NTNG1: variants seen among roughly 807,000 people sequenced by gnomAD.
NTNG1 encodes netrin G1.
A neutral mutation model predicts 54.0 loss-of-function variants in NTNG1; 16 were observed. The observed-to-expected ratio is 0.30, with a 90% CI of 0.20 to 0.45. The LOEUF is 0.45. NTNG1 is among the 20% of genes least tolerant of loss of function. The pLI, the probability that NTNG1 is intolerant of heterozygous loss-of-function variation, is 1.00. For synonymous variants in NTNG1, 255 were observed against 263.1 expected (o/e 0.97, Z 0.30); for missense variants, 530 against 678.7 (o/e 0.78, Z 2.43).
intron 2 of NTNG1, among the ~76,000 whole-genome samples, chr1:107,190,612 T>G (rs1339446685): frequency 6.6e-6 from 1 of 152,124 alleles, no homozygotes; most frequent in African/African-American, 2.4e-5. Flanking sequence ...GTGTGTGATG[T>G]TCCCCTTCCT....
intron 3 of NTNG1, among the ~76,000 whole-genome samples, chr1:107,386,404 C>T (rs982219975): frequency 2.6e-5 from 4 of 151,862 alleles, no homozygotes; most frequent in Non-Finnish European, 4.4e-5. Flanking sequence ...GAACTCCTGA[C>T]CTCAAGTGAT....
chr1:107,321,016 G>A (rs11185087), intron 2 of NTNG1, among the ~76,000 whole-genome samples: 125,488 of 152,052 alleles, frequency 0.83, 53,125 homozygotes, highest in East Asian at 0.92. Context: ...GATCATCTCC[G>A]GTGTAAATTG....
chr1:107,376,932 G>A (rs955054945), intron 3 of NTNG1, among the ~76,000 whole-genome samples: 4 of 152,108 alleles, frequency 2.6e-5, no homozygotes, highest in Non-Finnish European at 5.9e-5. Context: ...CACTGCCTCT[G>A]CCTACTTATT....
At chr1:107,451,778 A>G (rs1449366822) in intron 7 of NTNG1, among the ~76,000 whole-genome samples, 1 of 152,174 alleles carries the variant, frequency 6.6e-6, no homozygotes, top group Non-Finnish European at 1.5e-5. Context: ...ATCCTGCAAC[A>G]TCATAGGTAC....
At chr1:107,427,021 A>G (rs1310098602) in intron 5 of NTNG1, among the ~76,000 whole-genome samples, 1 of 152,078 alleles carries the variant, frequency 6.6e-6, no homozygotes, top group East Asian at 1.9e-4. Flanking sequence ...TGATTTTTGT[A>G]CATTGATTTT....
intron 2 of NTNG1, among the ~76,000 whole-genome samples, chr1:107,320,368 G>A (rs1237181000): frequency 6.6e-6 from 1 of 152,114 alleles, no homozygotes; most frequent in African/African-American, 2.4e-5. Context: ...GAATCTGTTA[G>A]ATATAGCAGC....
At chr1:107,384,445 C>CTA (rs1483470271) in intron 3 of NTNG1, among the ~76,000 whole-genome samples, 5 of 152,028 alleles carry the variant, frequency 3.3e-5, no homozygotes, top group Non-Finnish European at 5.9e-5. Context: ...CTCTCTCTCT[C>CTA]TCTATATATA....
At chr1:107,186,928 C>T (rs1048025615) in intron 2 of NTNG1, among the ~76,000 whole-genome samples, 3 of 152,096 alleles carry the variant, frequency 2.0e-5, no homozygotes, top group African/African-American at 7.2e-5. Context: ...CCTTATTTTA[C>T]AGATAAGGAA....
chr1:107,381,521 T>C (rs552555484), intron 3 of NTNG1, among the ~76,000 whole-genome samples: 1 of 152,328 alleles, frequency 6.6e-6, no homozygotes, highest in African/African-American at 2.4e-5. Flanking sequence ...TAGAAAACTC[T>C]GGTTGATCCA....
intron 3 of NTNG1, among the ~76,000 whole-genome samples, chr1:107,345,691 G>A (rs1669180563): frequency 6.6e-6 from 1 of 152,074 alleles, no homozygotes; most frequent in African/African-American, 2.4e-5. Context: ...AGCCTTTGCA[G>A]TACCTTAGAA....
At chr1:107,252,657 A>G (rs533022903) in intron 2 of NTNG1, among the ~76,000 whole-genome samples, 1 of 152,254 alleles carries the variant, frequency 6.6e-6, no homozygotes, top group South Asian at 2.1e-4. Context: ...TACTGCTTGG[A>G]TATCACTTGG....
At chr1:107,250,531 C>T (rs139087103) in intron 2 of NTNG1, among the ~76,000 whole-genome samples, 5,615 of 151,382 alleles carry the variant, frequency 0.037, 336 homozygotes, top group African/African-American at 0.13. Flanking sequence ...GCACGTTCTG[C>T]ACATGTATCC....
chr1:107,292,975 C>T (rs1387611422), intron 2 of NTNG1, among the ~76,000 whole-genome samples: 2 of 152,202 alleles, frequency 1.3e-5, no homozygotes, highest in East Asian at 3.9e-4. Flanking sequence ...ATCTCTCCTT[C>T]CGCCTTATGC....
At chr1:107,196,956 G>A (rs72697694) in intron 2 of NTNG1, among the ~76,000 whole-genome samples, 6,329 of 151,822 alleles carry the variant, frequency 0.042, 138 homozygotes, top group Non-Finnish European at 0.051. Flanking sequence ...GTGTGTGTGC[G>A]CACGTGCATG....
At chr1:107,382,203 C>T (rs1327624391) in intron 3 of NTNG1, among the ~76,000 whole-genome samples, 1 of 152,158 alleles carries the variant, frequency 6.6e-6, no homozygotes, top group Non-Finnish European at 1.5e-5. Flanking sequence ...GCAAAAGCTA[C>T]AGCATGCAAC....
intron 7 of NTNG1, among the ~76,000 whole-genome samples, chr1:107,471,119 G>A (rs1677948027): frequency 6.6e-6 from 1 of 152,074 alleles, no homozygotes; most frequent in Admixed American, 6.5e-5. Context: ...CTCATAACAG[G>A]TGCTTTAATA....
chr1:107,480,511 T>C (rs566454080), intron 7 of NTNG1, 100 bp from the exon 8 acceptor site: 1 of 737,458 alleles, frequency 1.4e-6, no homozygotes, highest in South Asian at 1.9e-5. Flanking sequence ...GATAGAGATT[T>C]TTTTTTTAGG....
At chr1:107,396,207 T>C (rs1245368535) in intron 4 of NTNG1, among the ~76,000 whole-genome samples, 1 of 152,126 alleles carries the variant, frequency 6.6e-6, no homozygotes, top group Admixed American at 6.5e-5. Context: ...AGCCGGACAG[T>C]GAGCACAGGA....
At chr1:107,141,249 G>T (rs1314545914) in intron 1 of NTNG1, 109 bp downstream of exon 1, 2 of 151,688 alleles carry the variant, frequency 1.3e-5, no homozygotes, top group Non-Finnish European at 2.9e-5. Context: ...GGCGGTGGCG[G>T]CGGCTCGGGT....
Sources: allele counts gnomAD v4.1 joint callset (sites outside exome capture counted in the v4.1 genomes callset), GRCh38; gene constraint gnomAD v4.1.1; transcripts MANE v1.5; gene names NCBI Gene and HGNC (gene_info 2026-07-23, HGNC 2026-07-21).